Variants in PCDH9 observed in about 807,000 individuals in gnomAD.
PCDH9 encodes the protein protocadherin-9.
A neutral mutation model predicts 70.6 loss-of-function variants in PCDH9; 24 were observed. That is an observed-to-expected ratio of 0.34 (90% CI 0.25 to 0.48). PCDH9 has a LOEUF of 0.48. Among genes scored for constraint, PCDH9 ranks in the 20% least tolerant of loss-of-function variants. The pLI, the probability that PCDH9 is intolerant of heterozygous loss-of-function variation, is 0.99. For synonymous variants in PCDH9, 562 were observed against 558.5 expected, an observed-to-expected ratio of 1.01 and a Z score of -0.09; for missense variants, 1,281 against 1,503.6, an observed-to-expected ratio of 0.85 and a Z score of 2.45.
chr13:66,937,409 C>A (rs1296317428), intron 2 of PCDH9, among the ~76,000 whole-genome samples: 1 of 152,208 alleles, frequency 6.6e-6, no homozygotes, highest in African/African-American at 2.4e-5. Flanking sequence ...ATTTCTCTAT[C>A]TGCATCATAT....
chr13:66,489,833 C>T (rs772670723), intron 4 of PCDH9, among the ~76,000 whole-genome samples: 6 of 152,126 alleles, frequency 3.9e-5, no homozygotes, highest in East Asian at 1.9e-4. Flanking sequence ...GATAAGAACA[C>T]GGAGAGCTAG....
intron 4 of PCDH9, among the ~76,000 whole-genome samples, chr13:66,459,733 G>A (rs1209436805): frequency 1.3e-5 from 2 of 151,898 alleles, no homozygotes; most frequent in Admixed American, 1.3e-4. Context: ...CATGCTTTAA[G>A]CTATGCATTA....
At chr13:67,053,044 C>T (rs919690204) in intron 2 of PCDH9, among the ~76,000 whole-genome samples, 11 of 151,886 alleles carry the variant, frequency 7.2e-5, no homozygotes, top group South Asian at 4.2e-4. Context: ...TTTTGAGCTA[C>T]GGAATGCCTT....
intron 3 of PCDH9, among the ~76,000 whole-genome samples, chr13:66,758,058 A>G (rs925088586): frequency 6.6e-6 from 1 of 152,084 alleles, no homozygotes; most frequent in African/African-American, 2.4e-5. Flanking sequence ...GTAATACGCA[A>G]AATGTTGTTT....
chr13:66,554,543 A>G (rs985279676), intron 4 of PCDH9, among the ~76,000 whole-genome samples: 1 of 152,130 alleles, frequency 6.6e-6, no homozygotes, highest in Non-Finnish European at 1.5e-5. Flanking sequence ...GAATTAAAGT[A>G]AACTAATAAT....
intron 4 of PCDH9, chr13:66,630,851 TTTC>T (rs2077561418): frequency 6.1e-6 from 1 of 162,950 alleles, no homozygotes; most frequent in African/African-American, 2.4e-5. Context: ...TGCAAATAGA[TTTC>T]TTTTTTTCAT....
intron 3 of PCDH9, among the ~76,000 whole-genome samples, chr13:66,766,578 G>A (rs553957925): frequency 6.6e-6 from 1 of 151,754 alleles, no homozygotes; most frequent in Non-Finnish European, 1.5e-5. Context: ...TTATATTTCA[G>A]AGAGAAGAAT....
chr13:66,912,222 C>T (rs1204590645), intron 2 of PCDH9, among the ~76,000 whole-genome samples: 1 of 152,014 alleles, frequency 6.6e-6, no homozygotes, highest in African/African-American at 2.4e-5. Flanking sequence ...TAATCAGTTG[C>T]CTTTGCTGAT....
chr13:66,691,109 C>T (rs2078478350), intron 3 of PCDH9, among the ~76,000 whole-genome samples: 2 of 152,212 alleles, frequency 1.3e-5, no homozygotes, highest in African/African-American at 4.8e-5. Context: ...ACCATCTTGA[C>T]TCACTGAAAC....
intron 4 of PCDH9, among the ~76,000 whole-genome samples, chr13:66,558,714 C>A (rs1287054423): frequency 6.6e-6 from 1 of 152,026 alleles, no homozygotes; most frequent in Non-Finnish European, 1.5e-5. Flanking sequence ...AGAGCTCAGT[C>A]ATGCAAAGTA....
intron 3 of PCDH9, among the ~76,000 whole-genome samples, chr13:66,721,806 C>A (rs1022858509): frequency 3.9e-5 from 6 of 152,092 alleles, no homozygotes; most frequent in Non-Finnish European, 5.9e-5. Flanking sequence ...CACATTGAAT[C>A]CTGTATCTTT....
At chr13:67,072,188 C>A (rs1490001706) in intron 2 of PCDH9, among the ~76,000 whole-genome samples, 1 of 152,064 alleles carries the variant, frequency 6.6e-6, no homozygotes, top group Non-Finnish European at 1.5e-5. Context: ...ATTGAGAAAA[C>A]CACAGAAGCA....
intron 2 of PCDH9, among the ~76,000 whole-genome samples, chr13:67,160,856 A>G (rs946897906): frequency 6.6e-6 from 1 of 152,176 alleles, no homozygotes; most frequent in South Asian, 2.1e-4. Context: ...TTGAATTCTC[A>G]CACCTTTTGA....
At chr13:67,229,642 T>C (rs931193882) in intron 1 of PCDH9, 138 bp downstream of exon 1, 1 of 152,234 alleles carries the variant, frequency 6.6e-6, no homozygotes, top group Non-Finnish European at 1.5e-5. Flanking sequence ...GGCAGAGTGA[T>C]GCAGGTAGGG....
intron 3 of PCDH9, among the ~76,000 whole-genome samples, chr13:66,863,361 G>A (rs867822103): frequency 2.6e-5 from 4 of 152,216 alleles, no homozygotes; most frequent in Middle Eastern, 6.8e-3. Context: ...ATACTGCCCA[G>A]CAAATAATAA....
intron 3 of PCDH9, among the ~76,000 whole-genome samples, chr13:66,645,700 CAACA>C (rs1275530278): frequency 6.6e-6 from 1 of 152,070 alleles, no homozygotes. Context: ...GTCAGCTATT[CAACA>C]AACATTGTTG....
chr13:66,881,383 G>A, intron 3 of PCDH9, among the ~76,000 whole-genome samples: 1 of 152,158 alleles, frequency 6.6e-6, no homozygotes, highest in Admixed American at 6.5e-5. Context: ...GGCAGTCAAA[G>A]ACAGAGCTTG....
intron 3 of PCDH9, among the ~76,000 whole-genome samples, chr13:66,755,270 C>T (rs2079522425): frequency 2.0e-5 from 3 of 152,238 alleles, no homozygotes; most frequent in South Asian, 4.2e-4. Context: ...GAGAAGGATA[C>T]TGGCATGTGT....
At chr13:66,910,302 C>T (rs535499375) in intron 2 of PCDH9, among the ~76,000 whole-genome samples, 1 of 152,290 alleles carries the variant, frequency 6.6e-6, no homozygotes, top group South Asian at 2.1e-4. Flanking sequence ...ATATAGTCTT[C>T]TGGCACAGGC....
Sources: gnomAD v4.1 joint callset for allele counts (sites outside exome capture counted in the v4.1 genomes callset) on GRCh38, gnomAD v4.1.1 for gene constraint, MANE v1.5 for transcripts, NCBI Gene and HGNC (gene_info 2026-07-23, HGNC 2026-07-21) for gene names.